LDAH: variants seen among roughly 807,000 people sequenced by gnomAD.
LDAH encodes lipid droplet associated hydrolase.
In LDAH, 26 loss-of-function variants were observed where a neutral mutation model predicts 29.6. The observed-to-expected ratio is 0.88, with a 90% CI of 0.64 to 1.22. The LOEUF (loss-of-function observed/expected upper bound fraction) is 1.22, where lower values mean the gene tolerates loss of function less well. Ranked by LOEUF, LDAH falls within the 50% of genes most tolerant of loss-of-function variation. The probability of loss-of-function intolerance (pLI) is 0.00; values close to 1 mark genes in which losing one functional copy is unlikely to be tolerated. For missense variants in LDAH, 344 were observed against 387.3 expected (o/e 0.89, Z 0.94); for synonymous variants, 117 against 133.0 (o/e 0.88, Z 0.83).
chr2:20,812,403 T>A (rs1672556179), intron 1 of LDAH, among the ~76,000 whole-genome samples: 1 of 152,214 alleles, frequency 6.6e-6, no homozygotes, highest in Admixed American at 6.5e-5. Flanking sequence ...ATCCTTTATA[T>A]CTACTTCTCA....
chr2:20,688,961 G>A (rs1021920838), intron 6 of LDAH, among the ~76,000 whole-genome samples: 5 of 150,418 alleles, frequency 3.3e-5, no homozygotes, highest in Non-Finnish European at 5.9e-5. Context: ...TCTACATTAG[G>A]TATTTCTCCT....
rs571017139 is a variant in LDAH, at chr2:20,689,942, C to T, written c.787-2848G>A. On this transcript the variant is annotated intron_variant, in intron 6 of 6. Coordinates refer to ENST00000237822, the MANE Select transcript of LDAH (RefSeq NM_021925.4). Reference sequence around the variant, plus strand: ...GCAGTCAGCTCAAAGGAAAGCCAGACAGAAAAGACCTCATCTAATACAGTT... The same window carrying T: ...GCAGTCAGCTCAAAGGAAAGCCAGATAGAAAAGACCTCATCTAATACAGTT... Among the ~76,000 whole-genome samples, 235 of 152,324 alleles carry T rather than the reference C, an allele frequency of 1.5e-3. 2 individuals are homozygous for T. Among genetic ancestry groups the T allele is most frequent in the African/African-American group, 5.4e-3 (226 of 41,564 alleles).
intron 1 of LDAH, among the ~76,000 whole-genome samples, chr2:20,805,545 T>C (rs1042692090): frequency 7.9e-5 from 12 of 152,198 alleles, no homozygotes; most frequent in African/African-American, 2.9e-4. Context: ...TAAAGGATAA[T>C]GGCACGCCTT....
chr2:20,723,833 G>A (rs1471759864), intron 5 of LDAH, among the ~76,000 whole-genome samples: 2 of 152,224 alleles, frequency 1.3e-5, no homozygotes, highest in Non-Finnish European at 2.9e-5. Context: ...GAAATGTCTA[G>A]TAGCAGTAGT....
At chr2:20,754,711 A>G (rs1318168771) in intron 4 of LDAH, among the ~76,000 whole-genome samples, 3 of 152,138 alleles carry the variant, frequency 2.0e-5, no homozygotes, top group Non-Finnish European at 2.9e-5. Context: ...ACCTTAATCT[A>G]GTCAAAAGGA....
intron 3 of LDAH, among the ~76,000 whole-genome samples, chr2:20,781,297 T>C (rs908894768): frequency 2.0e-5 from 3 of 152,194 alleles, no homozygotes; most frequent in Non-Finnish European, 4.4e-5. Context: ...CTTCCAATTA[T>C]ATTCAACTTA....
chr2:20,748,625 G>A (rs932175921), intron 4 of LDAH, among the ~76,000 whole-genome samples: 1 of 152,146 alleles, frequency 6.6e-6, no homozygotes. Flanking sequence ...TTTACCTGCT[G>A]CTCTGCAGTA....
intron 2 of LDAH, among the ~76,000 whole-genome samples, chr2:20,793,196 A>G (rs1030034025): frequency 6.6e-6 from 1 of 152,182 alleles, no homozygotes; most frequent in Non-Finnish European, 1.5e-5. Flanking sequence ...TATACAACAC[A>G]TAACTAAATA....
At chr2:20,784,200 G>A (rs866047933) in intron 3 of LDAH, among the ~76,000 whole-genome samples, 1 of 151,694 alleles carries the variant, frequency 6.6e-6, no homozygotes, top group Non-Finnish European at 1.5e-5. Flanking sequence ...GAGCCCAGGA[G>A]TTCAAGACTA....
intron 3 of LDAH, among the ~76,000 whole-genome samples, chr2:20,782,816 C>T (rs1011904239): frequency 6.6e-6 from 1 of 151,912 alleles, no homozygotes; most frequent in Non-Finnish European, 1.5e-5. Context: ...TTGTTTTCAA[C>T]TTCATTGATT....
rs141930390 is a variant in LDAH at position 20,763,546 on chromosome 2, G to A, written c.468+11264C>T. ...GTTGGCTTATTCAAATTAGTGCCCA[G>A]TGTCATCTATTATATTTTACTTACA... On this transcript the variant is annotated intron_variant, in intron 4 of 6. Transcript: ENST00000237822. Among the ~76,000 whole-genome samples the A allele has an allele frequency of 3.6e-4, 55 of 152,338 alleles. 1 individual carries two copies. The East Asian group carries it at 7.5e-3, about 21-fold the overall frequency.
rs59015178 is a variant in LDAH at position 20,801,087 on chromosome 2, AAC to A, written c.154+221_154+222del. On this transcript the variant is annotated intron_variant, in intron 2 of 6. Transcript: ENST00000237822. ...AGTACATACTTCCAACTGTGACACAAACACACACACACACACACACAACAGAC... is the reference window on the plus strand; with the variant it reads ...AGTACATACTTCCAACTGTGACACAAACACACACACACACACACAACAGAC... Among the ~76,000 whole-genome samples the A allele has an allele frequency of 5.5e-4, 82 of 148,402 alleles. No individual in the cohort carries two copies. In the East Asian group the frequency reaches 0.011, roughly 20 times the overall value.
chr2:20,800,935 T>C (rs914435280), intron 2 of LDAH, among the ~76,000 whole-genome samples: 2 of 152,180 alleles, frequency 1.3e-5, no homozygotes, highest in Non-Finnish European at 2.9e-5. Context: ...CCTGGCCAAA[T>C]ATTCTATAAT....
Position 20,686,159 on chromosome 2 carries a change from C to G in LDAH, c.*744G>C, listed in dbSNP as rs1469988073. Reference sequence around the variant, plus strand: ...CCATCCTGGCTCTGGAGAGGAGGAGCCTGCAGGGAGCTTATAACCTGGGAG... The same window carrying G: ...CCATCCTGGCTCTGGAGAGGAGGAGGCTGCAGGGAGCTTATAACCTGGGAG... On this transcript the variant is annotated 3_prime_UTR_variant, in exon 7 of 7. Transcript: ENST00000237822. 1 of 153,414 alleles carries G rather than the reference C, an allele frequency of 6.5e-6. No homozygotes were observed. Among genetic ancestry groups the G allele is most frequent in the Non-Finnish European group, 1.5e-5 (1 of 68,674 alleles). 9.5% of individuals were successfully genotyped at this position (153,414 alleles called of 1,614,324 possible).
chr2:20,711,446 C>T (rs1232686012), intron 5 of LDAH, among the ~76,000 whole-genome samples: 10 of 151,760 alleles, frequency 6.6e-5, no homozygotes, highest in African/African-American at 1.9e-4. Flanking sequence ...GGAACAGCTC[C>T]GGTCTGCAGC....
At chr2:20,729,844 G>A (rs115995015) in intron 5 of LDAH, among the ~76,000 whole-genome samples, 196 of 152,226 alleles carry the variant, frequency 1.3e-3, no homozygotes, top group African/African-American at 4.4e-3. Flanking sequence ...TGCCCAGGCC[G>A]AAGTGCAGTG....
intron 5 of LDAH, 71 bp downstream of exon 5, chr2:20,739,900 C>G (rs553120002): frequency 1.7e-5 from 20 of 1,151,466 alleles, no homozygotes; most frequent in Non-Finnish European, 2.4e-5. Flanking sequence ...TATTTGTCCA[C>G]TGTCAGAGAG....
At chr2:20,731,413 A>G (rs113273307) in intron 5 of LDAH, among the ~76,000 whole-genome samples, 3,740 of 152,270 alleles carry the variant, frequency 0.025, 160 homozygotes, top group African/African-American at 0.086. Context: ...CTTCTGCCAT[A>G]AGTAAAAGCT....
intron 4 of LDAH, among the ~76,000 whole-genome samples, chr2:20,744,084 T>C (rs1216666499): frequency 6.6e-6 from 1 of 152,122 alleles, no homozygotes; most frequent in Non-Finnish European, 1.5e-5. Flanking sequence ...TCTTCTTACA[T>C]TGTCTACCTA....
Sources: allele counts gnomAD v4.1 joint callset (sites outside exome capture counted in the v4.1 genomes callset), GRCh38; gene constraint gnomAD v4.1.1; transcripts MANE v1.5; gene names NCBI Gene and HGNC (gene_info 2026-07-23, HGNC 2026-07-21).